Variants in HMCN1 observed in about 807,000 individuals in gnomAD.
The protein encoded by HMCN1 is hemicentin 1, also known as hemicentin-1.
Under a neutral mutation model 625.9 loss-of-function variants are expected in HMCN1, and 321 were observed. The observed-to-expected ratio is 0.51, with a 90% CI of 0.47 to 0.56. HMCN1 has a LOEUF of 0.56. Ranked by LOEUF, HMCN1 falls within the 20% of genes least tolerant of loss-of-function variation. HMCN1 has a pLI of 0.00. For missense variants in HMCN1, 6,588 were observed against 6,887.3 expected, an observed-to-expected ratio of 0.96 and a Z score of 1.54; for synonymous variants, 2,425 against 2,417.6, an observed-to-expected ratio of 1.00 and a Z score of -0.09.
Position 186,103,556 on chromosome 1 carries a change from C to T in HMCN1, c.10658C>T (p.Ser3553Phe). ...CCACTTGAACTTACCTGCATTGCTTCTGGAATCCCAGCCCCTAAAATGACC... is the reference window on the plus strand; with the variant it reads ...CCACTTGAACTTACCTGCATTGCTTTTGGAATCCCAGCCCCTAAAATGACC... Reference protein sequence around the residue: ...NNPLELTCIASGIPAPKMTWM... With the variant: ...NNPLELTCIAFGIPAPKMTWM... The change falls in exon 69 of 107, where the codon TCT becomes TTT. Residue 3553 changes from serine (S) to phenylalanine (F), a missense_variant. This residue lies in a region of HMCN1 where 4,628 missense variants were observed against 4,853.1 expected (regional missense o/e 0.95). Transcript: ENST00000271588. The T allele has an allele frequency of 6.2e-7, 1 of 1,613,924 alleles. No homozygotes were observed. The highest frequency in any genetic ancestry group is 8.5e-7 in the Non-Finnish European group (1 of 1,179,844).
rs778744144 is a variant in HMCN1 at position 186,171,995 on chromosome 1, C to A, written c.15689-11C>A. Reference sequence around the variant, plus strand: ...TTTCTTAATCTACATTACCTTTGTTCTTTTATCAAGATGTGAACGAGTGTA... The same window carrying A: ...TTTCTTAATCTACATTACCTTTGTTATTTTATCAAGATGTGAACGAGTGTA... On this transcript the variant is annotated splice_polypyrimidine_tract_variant and intron_variant, in intron 101 of 106. Coordinates refer to ENST00000271588, the MANE Select transcript of HMCN1 (RefSeq NM_031935.3). 1 of 1,612,182 alleles carries A rather than the reference C, an allele frequency of 6.2e-7. No homozygotes were observed. The highest frequency in any genetic ancestry group is 1.1e-5 in the South Asian group (1 of 90,948).
intron 4 of HMCN1, among the ~76,000 whole-genome samples, chr1:185,899,460 T>C (rs1192594216): frequency 6.6e-6 from 1 of 152,154 alleles, no homozygotes; most frequent in Non-Finnish European, 1.5e-5. Flanking sequence ...ATTTGCAGTA[T>C]TTGTCGACTT....
chr1:185,793,473 A>C (rs984097543), intron 1 of HMCN1, among the ~76,000 whole-genome samples: 1 of 152,206 alleles, frequency 6.6e-6, no homozygotes, highest in African/African-American at 2.4e-5. Flanking sequence ...AATCCAGGAT[A>C]ATCTCCTCAT....
chr1:186,075,761 A>G (rs1427318831), intron 53 of HMCN1, among the ~76,000 whole-genome samples: 1 of 152,168 alleles, frequency 6.6e-6, no homozygotes, highest in Non-Finnish European at 1.5e-5. Context: ...CTAAGCTTTC[A>G]CCACTCATAA....
Position 186,137,956 on chromosome 1 carries a change from C to T in HMCN1, c.13908C>T (p.Asn4636=), listed in dbSNP as rs764959016. The change falls in exon 89 of 107, where the codon AAC becomes AAT. Residue 4636 remains asparagine, a synonymous_variant. Transcript: ENST00000271588. ...ATGCTGTGGAAATAATTATGTGCAA[C>T]ATTAGGCCTTGCCCAGGTGAGAAAC... ...EGNAVEIIMC[N]IRPCPVHGAW... The T allele has an allele frequency of 3.1e-6, 5 of 1,613,978 alleles. No homozygotes were observed. The highest frequency in any genetic ancestry group is 2.2e-5 in the South Asian group (2 of 91,078).
intron 1 of HMCN1, among the ~76,000 whole-genome samples, chr1:185,756,478 TAAA>T (rs549588321): frequency 4.7e-5 from 6 of 126,612 alleles, no homozygotes; most frequent in Non-Finnish European, 3.4e-5. Context: ...GACCTCAGGG[TAAA>T]AAAAAAAAAA....
At chr1:186,021,583 A>G (rs1654725735) in intron 35 of HMCN1, among the ~76,000 whole-genome samples, 1 of 152,124 alleles carries the variant, frequency 6.6e-6, no homozygotes, top group African/African-American at 2.4e-5. Flanking sequence ...GTAATATAAT[A>G]GTCCAGACAT....
Position 186,144,518 on chromosome 1 carries a change from T to C in HMCN1, c.14096-15T>C. 1 of 1,614,094 alleles carries C rather than the reference T, an allele frequency of 6.2e-7. No individual in the cohort carries two copies. Among genetic ancestry groups the C allele is most frequent in the Non-Finnish European group, 8.5e-7 (1 of 1,179,996 alleles). On this transcript the variant is annotated splice_polypyrimidine_tract_variant and intron_variant, in intron 90 of 106. Coordinates refer to ENST00000271588, the MANE Select transcript of HMCN1 (RefSeq NM_031935.3). ...TAGGTAGTAAGAAAGCATGTACCTTTTTCCCTTATTCCAGTTCATGGCAAG... is the reference window on the plus strand; with the variant it reads ...TAGGTAGTAAGAAAGCATGTACCTTCTTCCCTTATTCCAGTTCATGGCAAG...
chr1:186,186,996 A>T (rs1313300455), intron 105 of HMCN1, among the ~76,000 whole-genome samples: 12 of 63,574 alleles, frequency 1.9e-4, no homozygotes, highest in South Asian at 1.3e-3. Flanking sequence ...TCTCTGTCTC[A>T]CACACACACA....
At chr1:185,979,244 C>T (rs775289174) in intron 16 of HMCN1, among the ~76,000 whole-genome samples, 2 of 151,918 alleles carry the variant, frequency 1.3e-5, no homozygotes, top group Non-Finnish European at 2.9e-5. Flanking sequence ...ATTTGATGAG[C>T]TAGAAGTTAG....
At chr1:185,826,944 A>G (rs1660551764) in intron 1 of HMCN1, among the ~76,000 whole-genome samples, 1 of 152,046 alleles carries the variant, frequency 6.6e-6, no homozygotes, top group Non-Finnish European at 1.5e-5. Context: ...TGGGAGGCCA[A>G]GGTGGGCGGA....
intron 1 of HMCN1, among the ~76,000 whole-genome samples, chr1:185,782,098 T>A (rs1317497264): frequency 6.6e-6 from 1 of 152,234 alleles, no homozygotes; most frequent in Non-Finnish European, 1.5e-5. Context: ...TACCATTATG[T>A]AATGGCCTTC....
chr1:185,833,283 A>G (rs1214764344), intron 1 of HMCN1, among the ~76,000 whole-genome samples: 4 of 152,176 alleles, frequency 2.6e-5, no homozygotes, highest in African/African-American at 7.2e-5. Context: ...TATCACTTCT[A>G]TCAAACATAT....
Position 186,113,968 on chromosome 1 carries a change from C to T in HMCN1, c.11132-11C>T. 6.2e-7 allele frequency: 1 copy of T among 1,613,968 alleles called. No individual in the cohort carries two copies. The highest frequency in any genetic ancestry group is 8.5e-7 in the Non-Finnish European group (1 of 1,179,890). Reference sequence around the variant, plus strand: ...TCTCACTGAATTTTTTCATGTGTATCTCTTGTTCAGTTCCTCCAAACATAA... The same window carrying T: ...TCTCACTGAATTTTTTCATGTGTATTTCTTGTTCAGTTCCTCCAAACATAA... On this transcript the variant is annotated splice_polypyrimidine_tract_variant and intron_variant, in intron 72 of 106. Transcript: ENST00000271588.
chr1:185,919,982 T>C (rs914292908), intron 6 of HMCN1, among the ~76,000 whole-genome samples: 6 of 152,226 alleles, frequency 3.9e-5, no homozygotes, highest in Non-Finnish European at 7.3e-5. Context: ...TGTTTGTTTC[T>C]ATTACACTAA....
chr1:186,081,436 C>G, intron 56 of HMCN1, 42 bp downstream of exon 56: 1 of 1,378,482 alleles, frequency 7.3e-7, no homozygotes, highest in Non-Finnish European at 1.0e-6. Flanking sequence ...AGCTATTTGA[C>G]TTTGCACTTT....
chr1:185,743,592 T>A (rs918390399), intron 1 of HMCN1, among the ~76,000 whole-genome samples: 4 of 152,242 alleles, frequency 2.6e-5, no homozygotes, highest in Non-Finnish European at 4.4e-5. Flanking sequence ...AGGAGCACTG[T>A]GCAACCAGAG....
rs78822946 is a variant in HMCN1 at position 185,951,982 on chromosome 1, G to A, written c.1829-10536G>A. Among the ~76,000 whole-genome samples, 85 of 151,860 alleles carry A rather than the reference G, an allele frequency of 5.6e-4. 4 individuals are homozygous for A. The highest frequency in any genetic ancestry group is 2.0e-3 in the African/African-American group (84 of 41,228). ...AATTTTTGGAGTTTTATTTAATGTC[G>A]GGAGCAGATTGGGTAATAAAATGTA... On this transcript the variant is annotated intron_variant, in intron 11 of 106. Transcript: ENST00000271588.
At chr1:185,766,820 A>G (rs546675813) in intron 1 of HMCN1, among the ~76,000 whole-genome samples, 3 of 152,244 alleles carry the variant, frequency 2.0e-5, no homozygotes, top group African/African-American at 4.8e-5. Context: ...CTAGGAACCC[A>G]GGATAAGAAC....
Sources: gnomAD v4.1 joint callset for allele counts (sites outside exome capture counted in the v4.1 genomes callset) on GRCh38, gnomAD v4.1.1 for gene constraint, gnomAD v4.1.1 regional missense constraint, MANE v1.5 for transcripts, NCBI Gene and HGNC (gene_info 2026-07-23, HGNC 2026-07-21) for gene names.